PFKP: variants seen among roughly 807,000 people sequenced by gnomAD.
PFKP encodes the protein ATP-dependent 6-phosphofructokinase, platelet type.
PFKP carries 101 observed loss-of-function variants against 94.3 expected under a neutral mutation model. That is an observed-to-expected ratio of 1.07 (90% CI 0.91 to 1.26). The LOEUF (loss-of-function observed/expected upper bound fraction) is 1.26. PFKP is among the 50% of genes most tolerant of loss of function. The probability of loss-of-function intolerance (pLI) is 0.00; values close to 1 mark genes in which losing one functional copy is unlikely to be tolerated. For missense variants in PFKP, 1,145 were observed against 1,103.3 expected, an observed-to-expected ratio of 1.04 and a Z score of -0.53; for synonymous variants, 573 against 432.6, an observed-to-expected ratio of 1.32 and a Z score of -4.03.
Position 3,080,485 on chromosome 10 carries a change from C to T in PFKP, c.113-1903C>T, listed in dbSNP as rs373439356. Among the ~76,000 whole-genome samples the T allele has an allele frequency of 5.1e-4, 70 of 137,296 alleles. No individual in the cohort carries two copies. In the South Asian group the frequency reaches 0.011, roughly 22 times the overall value. 90.1% of individuals were successfully genotyped at this position (137,296 alleles called of 152,430 possible). A position where few individuals can be genotyped will look rare whatever the true frequency, so the allele number is the denominator to read the frequency against. ...TGAGCCGAGATTGCACCACTGCACT[C>T]CAGCCTGGGAGACAGAGCGAGACTC... On this transcript the variant is annotated intron_variant, in intron 1 of 21. Coordinates refer to ENST00000381125, the MANE Select transcript of PFKP (RefSeq NM_002627.5).
intron 14 of PFKP, among the ~76,000 whole-genome samples, chr10:3,117,985 A>C (rs1317007822): frequency 6.6e-6 from 1 of 152,120 alleles, no homozygotes; most frequent in Non-Finnish European, 1.5e-5. Flanking sequence ...TCTTCCAATC[A>C]ACATGAAACC....
At chr10:3,131,048 C>T (rs1043845134) in intron 17 of PFKP, among the ~76,000 whole-genome samples, 26 of 146,786 alleles carry the variant, frequency 1.8e-4, no homozygotes, top group African/African-American at 5.8e-4. Context: ...TGGAGCTGCC[C>T]CAAACAGGTG....
At chr10:3,127,458 G>A (rs1370094961) in intron 16 of PFKP, among the ~76,000 whole-genome samples, 1 of 151,962 alleles carries the variant, frequency 6.6e-6, no homozygotes, top group Non-Finnish European at 1.5e-5. Context: ...CCTCAGGGTG[G>A]GCTGCGGGGG....
At chr10:3,100,798 T>G in intron 3 of PFKP, 1 of 597,534 alleles carries the variant, frequency 1.7e-6, no homozygotes, top group Non-Finnish European at 3.0e-6. Flanking sequence ...CCCTGGAAGT[T>G]TGGATGAAAG....
chr10:3,075,983 A>C (rs1220033090), intron 1 of PFKP, among the ~76,000 whole-genome samples: 3 of 132,290 alleles, frequency 2.3e-5, no homozygotes, highest in Non-Finnish European at 4.7e-5. Context: ...TGCAGTCCGC[A>C]GTCCGGCCTG....
intron 5 of PFKP, chr10:3,104,791 A>C: frequency 7.3e-6 from 3 of 410,768 alleles, no homozygotes; most frequent in Non-Finnish European, 4.4e-6. Flanking sequence ...TAGAGAAGGT[A>C]TCTGGGAAAG....
intron 1 of PFKP, among the ~76,000 whole-genome samples, chr10:3,074,093 G>A (rs542209818): frequency 6.6e-6 from 1 of 152,252 alleles, no homozygotes; most frequent in South Asian, 2.1e-4. Context: ...ACCTGCCTTG[G>A]CCTCCCAAAG....
chr10:3,111,069 AG>A (rs1345611650), intron 10 of PFKP, among the ~76,000 whole-genome samples: 1 of 146,256 alleles, frequency 6.8e-6, no homozygotes. Context: ...TATGTGTGTG[AG>A]GTAATGCATC....
chr10:3,098,637 C>T (rs1358509618), intron 2 of PFKP, among the ~76,000 whole-genome samples: 1 of 136,550 alleles, frequency 7.3e-6, no homozygotes, highest in Non-Finnish European at 1.5e-5. Context: ...CGCGCCACTG[C>T]ACTCCAGCCT....
chr10:3,109,863 G>T (rs147250535), intron 10 of PFKP, among the ~76,000 whole-genome samples: 108 of 152,116 alleles, frequency 7.1e-4, no homozygotes, highest in Middle Eastern at 3.4e-3. Flanking sequence ...ACAGACTGCA[G>T]GGAGGCGGGC....
intron 1 of PFKP, among the ~76,000 whole-genome samples, chr10:3,075,766 G>A (rs991362103): frequency 6.6e-5 from 10 of 150,974 alleles, no homozygotes; most frequent in East Asian, 5.9e-4. Context: ...TTAGTCAGGC[G>A]TGGCGGTGCA....
intron 9 of PFKP, 109 bp downstream of exon 9, chr10:3,108,902 A>T (rs917044997): frequency 1.2e-6 from 1 of 810,128 alleles, no homozygotes; most frequent in African/African-American, 1.7e-5. Context: ...TCCCCGAGAG[A>T]TGCCCGCGGC....
intron 20 of PFKP, among the ~76,000 whole-genome samples, chr10:3,135,009 C>CATGTTCGTAGAACTGT (rs749174524): frequency 2.2e-3 from 333 of 151,448 alleles, no homozygotes; most frequent in Admixed American, 3.5e-3. Flanking sequence ...TGTAGAACTG[C>CATGTTCGTAGAACTGT]ATGTTCGTAG....
At chr10:3,078,970 C>T (rs527585378) in intron 1 of PFKP, among the ~76,000 whole-genome samples, 4 of 152,340 alleles carry the variant, frequency 2.6e-5, no homozygotes, top group Admixed American at 1.3e-4. Flanking sequence ...GTGGTGCCCC[C>T]ATCACCTGGA....
intron 1 of PFKP, among the ~76,000 whole-genome samples, chr10:3,076,108 T>C (rs965764411): frequency 2.0e-5 from 3 of 152,046 alleles, no homozygotes; most frequent in Admixed American, 6.6e-5. Flanking sequence ...CAATCAATTA[T>C]TGTAGATTAT....
chr10:3,107,604 C>T (rs1028700134), intron 8 of PFKP, among the ~76,000 whole-genome samples: 4 of 152,184 alleles, frequency 2.6e-5, no homozygotes, highest in East Asian at 1.9e-4. Flanking sequence ...TAGAATGTTC[C>T]GGCTCTTAAA....
chr10:3,129,732 T>A lies in PFKP; in HGVS notation c.1684-87T>A, dbSNP rs1838341979. ...CATGTTTGGGCGCGGTGGGGGGGCC[T>A]TGCTGCACTCACTCTTGGGGGAGCT... is the stretch of plus-strand genomic sequence containing the variant. On this transcript the variant is annotated intron_variant, in intron 16 of 21. Transcript: ENST00000381125. The A allele has an allele frequency of 3.3e-5, 48 of 1,435,922 alleles. No individual in the cohort carries two copies. The South Asian group carries it at 5.8e-4, about 17-fold the overall frequency. 88.9% of individuals were successfully genotyped at this position (1,435,922 alleles called of 1,614,324 possible). A position where few individuals can be genotyped will look rare whatever the true frequency, so the allele number is the denominator to read the frequency against.
intron 1 of PFKP, among the ~76,000 whole-genome samples, chr10:3,081,977 C>CTTTTTTTTTTTTTTTTTTTTTTTT (rs547880338): frequency 1.5e-5 from 1 of 68,440 alleles, no homozygotes; most frequent in Non-Finnish European, 2.5e-5. Context: ...AGCCCATTGC[C>CTTTTTTTTTTTTTTTTTTTTTTTT]TTTTTTTTTT....
intron 10 of PFKP, among the ~76,000 whole-genome samples, chr10:3,111,856 T>C (rs552887249): frequency 5.9e-5 from 9 of 152,262 alleles, no homozygotes; most frequent in South Asian, 4.2e-4. Flanking sequence ...CATAATCAAA[T>C]TGAGAATTCC....
Sources: gnomAD v4.1 joint callset for allele counts (sites outside exome capture counted in the v4.1 genomes callset) on GRCh38, gnomAD v4.1.1 for gene constraint, MANE v1.5 for transcripts, NCBI Gene and HGNC (gene_info 2026-07-23, HGNC 2026-07-21) for gene names.